The following ZNF469 variants were observed in gnomAD, a reference collection of about 807,000 sequenced individuals.
The protein encoded by ZNF469 is zinc finger protein 469.
Under a neutral mutation model 1.0 loss-of-function variants are expected in ZNF469, and 1 was observed. That is an observed-to-expected ratio of 1.00 (90% CI 0.35 to 4.73). ZNF469 has a LOEUF of 4.73. Ranked by LOEUF, ZNF469 falls within the 30% of genes most tolerant of loss-of-function variation. The pLI is 0.16. For missense variants in ZNF469, 6,100 were observed against 5,356.3 expected (o/e 1.14, Z -4.33); for synonymous variants, 2,703 against 2,363.4 (o/e 1.14, Z -4.17).
the ZNF469 span, chr16:88,194,995 C>G: frequency 1.1e-3 from 163 of 152,326 alleles, no homozygotes; most frequent in African/African-American, 3.6e-3. Flanking sequence ...GTTCGGAGAA[C>G]TCTGGGCCAC....
At chr16:88,396,025 T>C (rs1380616622) in intron 1 of ZNF469, among the ~76,000 whole-genome samples, 5 of 152,252 alleles carry the variant, frequency 3.3e-5, no homozygotes, top group Non-Finnish European at 7.3e-5. Flanking sequence ...AGTTTAGGTC[T>C]GAGGGCGGAC....
chr16:88,280,072 G>A, the ZNF469 span, among the ~76,000 whole-genome samples: 1 of 151,762 alleles, frequency 6.6e-6, no homozygotes. Context: ...GCATCACGCC[G>A]ACACTCAGTC....
chr16:88,417,938 C>T (rs1354902602), intron 1 of ZNF469, among the ~76,000 whole-genome samples: 2 of 152,184 alleles, frequency 1.3e-5, no homozygotes, highest in African/African-American at 2.4e-5. Flanking sequence ...CTGCACACAC[C>T]TGTATATGTG....
In ZNF469 at chr16:88,382,976, GC is replaced by G. The variant is rs1567496697; in HGVS notation, c.-468del. Reference sequence around the variant, plus strand: ...CGGGGGGCAGACCCCGCGGCCGCCGGCCGGCGTCCGGCCTTCCCAGCACCCG... The same window carrying G: ...CGGGGGGCAGACCCCGCGGCCGCCGGCGGCGTCCGGCCTTCCCAGCACCCG... On this transcript the variant is annotated 5_prime_UTR_variant, in exon 1 of 3. Transcript: ENST00000565624. 1.3e-5 allele frequency among the ~76,000 whole-genome samples: 2 copies of G among 151,868 alleles called. No homozygotes were observed. The highest frequency in any genetic ancestry group is 4.8e-5 in the African/African-American group (2 of 41,404).
At chr16:88,190,243 G>T in the ZNF469 span, among the ~76,000 whole-genome samples, 1 of 152,196 alleles carries the variant, frequency 6.6e-6, no homozygotes, top group Non-Finnish European at 1.5e-5. Context: ...TCACAGGAGT[G>T]GGGTAGACCA....
the ZNF469 span, among the ~76,000 whole-genome samples, chr16:88,238,424 C>T: frequency 6.6e-6 from 1 of 152,112 alleles, no homozygotes; most frequent in South Asian, 2.1e-4. Context: ...ATAGATAGAC[C>T]CTAGGTAGAC....
At chr16:88,370,074 G>A in the ZNF469 span, among the ~76,000 whole-genome samples, 1 of 152,192 alleles carries the variant, frequency 6.6e-6, no homozygotes, top group South Asian at 2.1e-4. Flanking sequence ...TGATCCTGTG[G>A]CCGGGATGTC....
the ZNF469 span, chr16:88,177,168 G>T: frequency 0.61 from 91,967 of 151,496 alleles, 29,064 homozygotes; most frequent in Non-Finnish European, 0.72. This position sits in a 1 kb window ranked among gnomAD's most constrained non-coding sequence, Gnocchi z 4.8. Flanking sequence ...GAAAAAGAGG[G>T]GCGTGCCGGG....
At chr16:88,373,333 G>A in the ZNF469 span, among the ~76,000 whole-genome samples, 60 of 152,328 alleles carry the variant, frequency 3.9e-4, no homozygotes, top group African/African-American at 8.9e-4. Context: ...GATGTGTTAG[G>A]TGGTTTGGTG....
chr16:88,160,106 C>T, the ZNF469 span, among the ~76,000 whole-genome samples: 1 of 152,204 alleles, frequency 6.6e-6, no homozygotes, highest in Admixed American at 6.5e-5. Flanking sequence ...CAGCTTTCAT[C>T]AGTCCCACAG....
At chr16:88,419,944 C>T (rs1238131666) in intron 1 of ZNF469, among the ~76,000 whole-genome samples, 1 of 152,242 alleles carries the variant, frequency 6.6e-6, no homozygotes, top group African/African-American at 2.4e-5. Flanking sequence ...GGGTGGAGGC[C>T]GGCCTGAGGC....
chr16:88,430,814 G>A lies in ZNF469; in HGVS notation c.3344G>A (p.Arg1115Gln). 1 of 1,531,494 alleles carries A rather than the reference G, an allele frequency of 6.5e-7. No individual in the cohort carries two copies. Among genetic ancestry groups the A allele is most frequent in the Non-Finnish European group, 8.7e-7 (1 of 1,144,860 alleles). 94.9% of individuals were successfully genotyped at this position (1,531,494 alleles called of 1,614,324 possible). Residue 1115 changes from arginine (R) to glutamine (Q), a missense_variant, in exon 3 of 3, where the codon CGG becomes CAG. Arg to Gln is a conservative substitution (Grantham distance 43). Transcript: ENST00000565624. The part of the protein sequence containing the change: ...PPRGPGFRGR[R>Q]GRGEKRKEVE... ...CGGGGCCCCGGCTTCAGAGGCCGGC[G>A]GGGCCGAGGCGAGAAGAGGAAGGAA...
At chr16:88,354,519 G>A in the ZNF469 span, among the ~76,000 whole-genome samples, 1 of 152,144 alleles carries the variant, frequency 6.6e-6, no homozygotes, top group Non-Finnish European at 1.5e-5. Flanking sequence ...CACAGGAGCC[G>A]ACCGCACCCC....
At chr16:88,366,510 TATCATCATTATCACC>T in the ZNF469 span, among the ~76,000 whole-genome samples, 1 of 118,114 alleles carries the variant, frequency 8.5e-6, no homozygotes, top group Admixed American at 8.0e-5. Flanking sequence ...TCACCATCAC[TATCATCATTATCACC>T]ATCATCATCA....
upstream of ZNF469, among the ~76,000 whole-genome samples, chr16:88,382,248 T>C (rs972640981): frequency 6.6e-6 from 1 of 151,714 alleles, no homozygotes; most frequent in African/African-American, 2.4e-5. Flanking sequence ...CCTGGAGCCA[T>C]CTCCGCCGTG....
the ZNF469 span, among the ~76,000 whole-genome samples, chr16:88,347,489 G>C: frequency 1.3e-5 from 2 of 152,170 alleles, no homozygotes; most frequent in Admixed American, 1.3e-4. Flanking sequence ...GCCCGGAGCA[G>C]ACCCTCCCTC....
the ZNF469 span, among the ~76,000 whole-genome samples, chr16:88,203,974 T>C: frequency 3.9e-5 from 6 of 152,042 alleles, no homozygotes; most frequent in Non-Finnish European, 7.4e-5. Flanking sequence ...AGAGAGCAGC[T>C]GGAGGTGCCC....
Position 88,428,699 on chromosome 16 carries a change from C to T in ZNF469, c.1229C>T (p.Ala410Val), listed in dbSNP as rs1444199242. The T allele has an allele frequency of 4.5e-6, 7 of 1,549,052 alleles. No homozygotes were observed. The highest frequency in any genetic ancestry group is 1.2e-5 in the South Asian group (1 of 84,062). ...SLPQRHFPGQAYRASGVDTSP... is the reference protein window; with the variant it reads ...SLPQRHFPGQVYRASGVDTSP... ...CCCCAGAGGCACTTTCCAGGGCAGG[C>T]GTACAGAGCCAGTGGGGTGGACACC... Residue 410 changes from alanine to valine, a missense_variant, in exon 3 of 3, where the codon GCG (alanine) becomes GTG (valine). Physicochemically the swap from Ala to Val is moderately conservative, Grantham distance 64. Coordinates refer to ENST00000565624, the MANE Select transcript of ZNF469 (RefSeq NM_001367624.2).
the ZNF469 span, among the ~76,000 whole-genome samples, chr16:88,334,737 G>A: frequency 6.6e-6 from 1 of 152,228 alleles, no homozygotes; most frequent in Admixed American, 6.5e-5. Flanking sequence ...TCCTATGAAA[G>A]CGTCATAAGG....
Sources: gnomAD v4.1 joint callset for allele counts (sites outside exome capture counted in the v4.1 genomes callset) on GRCh38, gnomAD v4.1.1 for gene constraint, Gnocchi (gnomAD v3.1) non-coding constraint, MANE v1.5 for transcripts, NCBI Gene and HGNC (gene_info 2026-07-23, HGNC 2026-07-21) for gene names.